The following CSMD1 variants were observed in gnomAD, a reference collection of about 807,000 sequenced individuals.
CSMD1 encodes CUB and Sushi multiple domains 1.
CSMD1 carries 213 observed loss-of-function variants against 417.5 expected under a neutral mutation model. The ratio of observed to expected loss-of-function variants is 0.51; its 90% CI spans 0.46 to 0.57. The LOEUF (loss-of-function observed/expected upper bound fraction) is 0.57, where lower values mean the gene tolerates loss of function less well. CSMD1 is among the 20% of genes least tolerant of loss of function. The pLI is 0.00. For synonymous variants in CSMD1, 2,862 were observed against 1,736.8 expected (o/e 1.65, Z -16.11); for missense variants, 6,923 against 4,529.7 (o/e 1.53, Z -15.17).
chr8:3,829,219 C>G (rs1802232956), intron 5 of CSMD1, among the ~76,000 whole-genome samples: 2 of 152,214 alleles, frequency 1.3e-5, no homozygotes, highest in Non-Finnish European at 2.9e-5. Flanking sequence ...CCATTGTATC[C>G]TTCTTATGCC....
intron 1 of CSMD1, among the ~76,000 whole-genome samples, chr8:4,862,311 C>A (rs1802184839): frequency 6.6e-6 from 1 of 151,984 alleles, no homozygotes; most frequent in African/African-American, 2.4e-5. Flanking sequence ...TCATCAGAAC[C>A]TTATGAATGA....
chr8:4,563,356 G>A (rs553484263), intron 2 of CSMD1, among the ~76,000 whole-genome samples: 19 of 152,090 alleles, frequency 1.2e-4, no homozygotes, highest in Non-Finnish European at 2.4e-4. Flanking sequence ...AGCTCAGATC[G>A]TGCCGCTGCA....
intron 2 of CSMD1, among the ~76,000 whole-genome samples, chr8:4,629,315 A>G (rs970968370): frequency 6.6e-6 from 1 of 152,186 alleles, no homozygotes; most frequent in African/African-American, 2.4e-5. Flanking sequence ...AATATCCTCA[A>G]AAACGCTGTT....
intron 2 of CSMD1, among the ~76,000 whole-genome samples, chr8:4,516,087 ATG>A (rs1263464203): frequency 1.3e-5 from 2 of 152,148 alleles, no homozygotes; most frequent in East Asian, 3.9e-4. Context: ...GTGCCTCAGA[ATG>A]TGACTGTACC....
intron 39 of CSMD1, among the ~76,000 whole-genome samples, chr8:3,152,797 C>A (rs117574655): frequency 7.8e-4 from 119 of 152,326 alleles, no homozygotes; most frequent in Non-Finnish European, 1.5e-3. Context: ...TTTGCAAGGC[C>A]AGGCTCCCAT....
chr8:4,387,893 C>T (rs1803562904), intron 3 of CSMD1, among the ~76,000 whole-genome samples: 1 of 151,938 alleles, frequency 6.6e-6, no homozygotes, highest in African/African-American at 2.4e-5. Context: ...ATCGTATCTG[C>T]CAAGATTATA....
chr8:4,331,975 AG>A (rs1799892454), intron 3 of CSMD1, among the ~76,000 whole-genome samples: 1 of 152,152 alleles, frequency 6.6e-6, no homozygotes, highest in Admixed American at 6.5e-5. Flanking sequence ...TTTTATGCAA[AG>A]CACATCTGAA....
rs190366266 is a variant in CSMD1, at chr8:3,998,569, G to A, written c.611-459C>T. ...TCTTAAATTTATTTTCCATAAATTT[G>A]GGATTAATTTGGGTTTTGAATTTCA... On this transcript the variant is annotated intron_variant, in intron 4 of 69. Coordinates refer to ENST00000635120, the MANE Select transcript of CSMD1 (RefSeq NM_033225.6). 2.2e-4 allele frequency among the ~76,000 whole-genome samples: 33 copies of A among 152,252 alleles called. No homozygotes were observed. The East Asian group carries it at 5.8e-3, about 27-fold the overall frequency.
At chr8:4,369,694 G>A (rs1410082607) in intron 3 of CSMD1, among the ~76,000 whole-genome samples, 2 of 152,082 alleles carry the variant, frequency 1.3e-5, no homozygotes, top group Non-Finnish European at 2.9e-5. Flanking sequence ...ATTACGTAAT[G>A]CCCTTGTCTT....
At chr8:4,147,344 C>CA (rs1208326853) in intron 3 of CSMD1, among the ~76,000 whole-genome samples, 2 of 152,096 alleles carry the variant, frequency 1.3e-5, no homozygotes, top group Non-Finnish European at 2.9e-5. Flanking sequence ...TATTGCGCCC[C>CA]ACCCTTCTTC....
At chr8:4,615,627 TTAAATAA>T (rs1801432342) in intron 2 of CSMD1, among the ~76,000 whole-genome samples, 2 of 152,214 alleles carry the variant, frequency 1.3e-5, no homozygotes, top group Non-Finnish European at 1.5e-5. Context: ...AAAGTCATTC[TTAAATAA>T]TAAATATATT....
chr8:3,718,924 C>T (rs372477051), intron 6 of CSMD1, among the ~76,000 whole-genome samples: 2 of 151,964 alleles, frequency 1.3e-5, no homozygotes, highest in East Asian at 1.9e-4. Flanking sequence ...CAATTTAAAC[C>T]TTTTCCCTCC....
At chr8:4,003,288 G>C (rs930395581) in intron 4 of CSMD1, among the ~76,000 whole-genome samples, 2 of 152,034 alleles carry the variant, frequency 1.3e-5, no homozygotes, top group African/African-American at 2.4e-5. Context: ...AGCTACTCGC[G>C]AGGCTGAGGC....
intron 3 of CSMD1, among the ~76,000 whole-genome samples, chr8:4,285,521 G>C (rs1343256785): frequency 2.0e-5 from 3 of 152,144 alleles, no homozygotes; most frequent in Non-Finnish European, 2.9e-5. Context: ...CAGATCTCTT[G>C]TTTTCGGATA....
intron 5 of CSMD1, among the ~76,000 whole-genome samples, chr8:3,900,682 G>A (rs1807688468): frequency 6.6e-6 from 1 of 152,004 alleles, no homozygotes; most frequent in Admixed American, 6.5e-5. Flanking sequence ...AGGTGACAGT[G>A]TAGCTTGGTG....
At chr8:3,958,534 C>T (rs889020724) in intron 5 of CSMD1, among the ~76,000 whole-genome samples, 13 of 152,096 alleles carry the variant, frequency 8.5e-5, no homozygotes, top group African/African-American at 2.9e-4. Flanking sequence ...GGGTTTAGTT[C>T]TATTATTCAT....
At chr8:3,370,207 C>T (rs1050278901) in intron 18 of CSMD1, among the ~76,000 whole-genome samples, 2 of 152,162 alleles carry the variant, frequency 1.3e-5, no homozygotes, top group African/African-American at 2.4e-5. Context: ...AATATTGACA[C>T]GTTCCCGCCA....
chr8:4,607,600 G>A (rs557787844), intron 2 of CSMD1, among the ~76,000 whole-genome samples: 1 of 152,112 alleles, frequency 6.6e-6, no homozygotes, highest in Non-Finnish European at 1.5e-5. Flanking sequence ...CTCCATGTCC[G>A]CCAACATCAT....
intron 3 of CSMD1, among the ~76,000 whole-genome samples, chr8:4,367,813 T>C (rs935859363): frequency 1.3e-5 from 2 of 152,216 alleles, no homozygotes; most frequent in Non-Finnish European, 2.9e-5. Context: ...TTTTATTCTT[T>C]GTGCTATTTT....
Sources: allele counts gnomAD v4.1 joint callset (sites outside exome capture counted in the v4.1 genomes callset), GRCh38; gene constraint gnomAD v4.1.1; transcripts MANE v1.5; gene names NCBI Gene and HGNC (gene_info 2026-07-23, HGNC 2026-07-21).